LINGO2: variants seen among roughly 807,000 people sequenced by gnomAD.
LINGO2 encodes the protein leucine-rich repeat and immunoglobulin-like domain-containing nogo receptor-interacting protein 2.
A neutral mutation model predicts 30.6 loss-of-function variants in LINGO2; 14 were observed. That is an observed-to-expected ratio of 0.46 (90% CI 0.30 to 0.72). The LOEUF (loss-of-function observed/expected upper bound fraction) is 0.72, where lower values mean the gene tolerates loss of function less well. LINGO2 is among the 30% of genes least tolerant of loss of function. The pLI is 0.07. For missense variants in LINGO2, 729 were observed against 751.7 expected (o/e 0.97, Z 0.35); for synonymous variants, 317 against 288.5 (o/e 1.10, Z -1.00).
At chr9:28,381,804 G>T (rs986787518) in intron 2 of LINGO2, among the ~76,000 whole-genome samples, 2 of 152,012 alleles carry the variant, frequency 1.3e-5, no homozygotes, top group Non-Finnish European at 2.9e-5. Flanking sequence ...CTTCTAACCC[G>T]ACACTACAAT....
chr9:28,312,414 T>C (rs1445183131), intron 3 of LINGO2, among the ~76,000 whole-genome samples: 2 of 151,804 alleles, frequency 1.3e-5, no homozygotes, highest in Non-Finnish European at 2.9e-5. Flanking sequence ...TTAGTGGAAA[T>C]CAAATTATTA....
At chr9:28,382,975 G>C (rs1433441186) in intron 2 of LINGO2, among the ~76,000 whole-genome samples, 2 of 151,960 alleles carry the variant, frequency 1.3e-5, no homozygotes, top group African/African-American at 4.8e-5. Flanking sequence ...ATATATAACA[G>C]TTAAAACAAT....
chr9:29,193,869 T>C, the LINGO2 span, among the ~76,000 whole-genome samples: 2 of 152,206 alleles, frequency 1.3e-5, no homozygotes, highest in Admixed American at 1.3e-4. Flanking sequence ...CATGCACCCA[T>C]GCATCCACTG....
rs75796167 is a variant in LINGO2 at position 28,356,705 on chromosome 9, G to T, written c.-246+16131C>A. ...CATATTTCTAAATGATAATCACCTGGTCTCTGCCTGAATTATCCCCATGAC... is the reference window on the plus strand; with the variant it reads ...CATATTTCTAAATGATAATCACCTGTTCTCTGCCTGAATTATCCCCATGAC... On this transcript the variant is annotated intron_variant, in intron 3 of 5. Coordinates refer to ENST00000379992, the Ensembl canonical transcript of LINGO2. 9.9e-3 allele frequency among the ~76,000 whole-genome samples: 1,508 copies of T among 152,110 alleles called. 27 individuals carry two copies. Among genetic ancestry groups the T allele is most frequent in the African/African-American group, 0.034 (1,417 of 41,496 alleles).
intron 1 of LINGO2, among the ~76,000 whole-genome samples, chr9:28,538,223 T>C (rs970191305): frequency 6.6e-6 from 1 of 151,700 alleles, no homozygotes; most frequent in African/African-American, 2.4e-5. Flanking sequence ...GAGTATAAAA[T>C]AAAAATAAAA....
intron 1 of LINGO2, among the ~76,000 whole-genome samples, chr9:28,501,999 A>G (rs1044009782): frequency 6.6e-6 from 1 of 152,012 alleles, no homozygotes; most frequent in East Asian, 1.9e-4. Flanking sequence ...GAAGAGAAAG[A>G]GAAAAAGAAA....
chr9:28,467,046 G>GA (rs1564217909), intron 2 of LINGO2, among the ~76,000 whole-genome samples: 2 of 149,458 alleles, frequency 1.3e-5, no homozygotes, highest in Non-Finnish European at 3.0e-5. Context: ...GGGGGGGGGG[G>GA]ACGGAGTCTC....
At chr9:29,101,369 T>C in the LINGO2 span, among the ~76,000 whole-genome samples, 3 of 152,190 alleles carry the variant, frequency 2.0e-5, no homozygotes, top group Non-Finnish European at 4.4e-5. Flanking sequence ...AAGAGATTCA[T>C]AACAGGAATC....
intron 3 of LINGO2, among the ~76,000 whole-genome samples, chr9:28,356,170 T>C (rs1211831929): frequency 6.6e-6 from 1 of 152,182 alleles, no homozygotes; most frequent in African/African-American, 2.4e-5. Context: ...TATTTGCTTC[T>C]GGCTATTATA....
At chr9:28,175,811 G>A (rs956861414) in intron 4 of LINGO2, among the ~76,000 whole-genome samples, 1 of 152,146 alleles carries the variant, frequency 6.6e-6, no homozygotes, top group Non-Finnish European at 1.5e-5. Flanking sequence ...TCTCTCCAGC[G>A]CTCTTAGGTG....
At chr9:28,093,874 C>G (rs1251571180) in intron 4 of LINGO2, among the ~76,000 whole-genome samples, 1 of 151,878 alleles carries the variant, frequency 6.6e-6, no homozygotes, top group African/African-American at 2.4e-5. Context: ...CCATTGACAA[C>G]CATGCAAAAT....
In LINGO2 at chr9:28,668,524, T is replaced by C. The variant is rs971363925; in HGVS notation, c.-365+1676A>G. 7.2e-5 allele frequency among the ~76,000 whole-genome samples: 11 copies of C among 151,908 alleles called. 1 individual carries two copies. The highest frequency in any genetic ancestry group is 1.5e-4 in the Non-Finnish European group (10 of 67,958). ...AACTTCTAATAATTTCTTAGATTAA[T>C]AATGTGTTTCACTTTCAGCTGATAA... is the stretch of plus-strand genomic sequence containing the variant. On this transcript the variant is annotated intron_variant, in intron 1 of 5. Transcript: ENST00000379992.
chr9:28,186,584 G>T (rs1161262968), intron 4 of LINGO2, among the ~76,000 whole-genome samples: 2 of 152,082 alleles, frequency 1.3e-5, no homozygotes, highest in East Asian at 3.9e-4. Flanking sequence ...AGGGAGTGTT[G>T]GAGAGAGAGG....
intron 1 of LINGO2, among the ~76,000 whole-genome samples, chr9:28,535,076 G>A (rs925806727): frequency 2.0e-5 from 3 of 152,078 alleles, no homozygotes; most frequent in African/African-American, 7.2e-5. Context: ...TTACCACAGG[G>A]AAAGTATTAG....
intron 5 of LINGO2, among the ~76,000 whole-genome samples, chr9:27,995,387 G>T (rs1821608384): frequency 6.6e-6 from 1 of 152,072 alleles, no homozygotes; most frequent in African/African-American, 2.4e-5. Context: ...ATTCCATGAG[G>T]CCAGCTTTAC....
At chr9:28,666,057 A>T in intron 1 of LINGO2, among the ~76,000 whole-genome samples, 1 of 151,804 alleles carries the variant, frequency 6.6e-6, no homozygotes, top group Admixed American at 6.6e-5. Flanking sequence ...ACACCCGGCT[A>T]ATTTTTGTAT....
chr9:28,730,633 C>A, the LINGO2 span, among the ~76,000 whole-genome samples: 1 of 151,842 alleles, frequency 6.6e-6, no homozygotes, highest in African/African-American at 2.4e-5. Flanking sequence ...AGAAAATGGG[C>A]AAAATACATG....
At chr9:28,582,108 T>C (rs1824286369) in intron 1 of LINGO2, among the ~76,000 whole-genome samples, 1 of 151,996 alleles carries the variant, frequency 6.6e-6, no homozygotes, top group Non-Finnish European at 1.5e-5. Context: ...ATTCTGCTTT[T>C]TATTGATAAA....
the LINGO2 span, among the ~76,000 whole-genome samples, chr9:29,173,064 G>A: frequency 6.6e-6 from 1 of 152,008 alleles, no homozygotes; most frequent in Non-Finnish European, 1.5e-5. Context: ...GTTACCCCAT[G>A]TGATTCTACT....
Sources: allele counts gnomAD v4.1 joint callset (sites outside exome capture counted in the v4.1 genomes callset), GRCh38; gene constraint gnomAD v4.1.1; transcripts MANE v1.5; gene names NCBI Gene and HGNC (gene_info 2026-07-23, HGNC 2026-07-21).